Variants in SDK2 observed in about 807,000 individuals in gnomAD.
SDK2 encodes the protein sidekick cell adhesion molecule 2, also known as protein sidekick-2.
Under a neutral mutation model 253.9 loss-of-function variants are expected in SDK2, and 105 were observed. The ratio of observed to expected loss-of-function variants is 0.41; its 90% CI spans 0.35 to 0.49. The LOEUF is 0.49. SDK2 is among the 20% of genes least tolerant of loss of function. SDK2 has a pLI of 0.06. For missense variants in SDK2, 2,608 were observed against 3,003.0 expected, an observed-to-expected ratio of 0.87 and a Z score of 3.07; for synonymous variants, 1,249 against 1,234.9, an observed-to-expected ratio of 1.01 and a Z score of -0.24.
Position 73,376,269 on chromosome 17 carries a change from G to A in SDK2, c.4980+2908C>T, listed in dbSNP as rs538335020. ...CCTGCTTCATTTACCACCACCTGGC[G>A]GTATTATTTATTTTGCCCCGTGTTG... On this transcript the variant is annotated intron_variant, in intron 36 of 44. Transcript: ENST00000392650. Among the ~76,000 whole-genome samples the A allele has an allele frequency of 1.3e-4, 18 of 138,018 alleles. No homozygotes were observed. The East Asian group carries it at 1.6e-3, about 12-fold the overall frequency. 90.5% of individuals were successfully genotyped at this position (138,018 alleles called of 152,430 possible).
In SDK2 at chr17:73,355,159, C is replaced by CATATATATATATATATATAT. The variant is rs1555750469; in HGVS notation, c.5594-2523_5594-2522insATATATATATATATATATAT. Reference sequence around the variant, plus strand: ...TTTGAGCCTCTGCCTCCTACACCTCCATATATATATATATATTTTTTTTTT... The same window carrying CATATATATATATATATATAT: ...TTTGAGCCTCTGCCTCCTACACCTCCATATATATATATATATATATATATATATATATATATTTTTTTTTT... On this transcript the variant is annotated intron_variant, in intron 40 of 44. Transcript: ENST00000392650. Among the ~76,000 whole-genome samples, 51 of 48,560 alleles carry CATATATATATATATATATAT rather than the reference C, an allele frequency of 1.1e-3. 6 individuals carry two copies. Among genetic ancestry groups the CATATATATATATATATATAT allele is most frequent in the African/African-American group, 3.6e-3 (27 of 7,532 alleles). The allele number at this position is 48,560 out of a possible 152,430, so 31.9% of individuals were successfully genotyped here.
rs1409239125 is a variant in SDK2, at chr17:73,395,032, G to C, written c.3592+123C>G. The C allele has an allele frequency of 1.4e-6, 1 of 707,808 alleles. No individual in the cohort carries two copies. Among genetic ancestry groups the C allele is most frequent in the East Asian group, 2.7e-5 (1 of 36,912 alleles). The allele number at this position is 707,808 out of a possible 1,614,324, so 43.8% of individuals were successfully genotyped here. On this transcript the variant is annotated intron_variant, in intron 25 of 44. Coordinates refer to ENST00000392650, the MANE Select transcript of SDK2 (RefSeq NM_001144952.2). This position sits in a 1 kb window ranked among gnomAD's most constrained non-coding sequence, Gnocchi z 4.3. Reference sequence around the variant, plus strand: ...CATTGTGACATTGAGCATAAGCAGAGGAAATGAGCTCAGGCTGTTTTTGAA... The same window carrying C: ...CATTGTGACATTGAGCATAAGCAGACGAAATGAGCTCAGGCTGTTTTTGAA...
intron 2 of SDK2, among the ~76,000 whole-genome samples, chr17:73,493,050 G>A (rs2063817975): frequency 6.6e-6 from 1 of 152,154 alleles, no homozygotes; most frequent in Admixed American, 6.5e-5. Context: ...AGCTGTGTGC[G>A]GAAAAAGAAT....
At chr17:73,544,759 A>G (rs145896803) in intron 1 of SDK2, among the ~76,000 whole-genome samples, 26 of 152,268 alleles carry the variant, frequency 1.7e-4, no homozygotes, top group African/African-American at 5.5e-4. Context: ...CATGGAGGGG[A>G]AATGGCTTCC....
In SDK2 at chr17:73,358,217, C is replaced by A. The variant is rs143271650; in HGVS notation, c.5468-13G>T. The A allele has an allele frequency of 7.0e-3, 11,190 of 1,592,566 alleles. 109 individuals are homozygous for A. Among genetic ancestry groups the A allele is most frequent in the South Asian group, 0.035 (3,047 of 87,378 alleles). On this transcript the variant is annotated splice_polypyrimidine_tract_variant and intron_variant, in intron 39 of 44. Transcript: ENST00000392650. ...GGTCCTGGGGCACCTGCAGACAGCA[C>A]ACAGAGGCGAGGGATGTATGGAACC...
At chr17:73,472,299 G>A in intron 2 of SDK2, 81 bp from the exon 3 acceptor site, 1 of 906,848 alleles carries the variant, frequency 1.1e-6, no homozygotes, top group Non-Finnish European at 1.8e-6. Flanking sequence ...AGAGGTCAGA[G>A]GTCGCCAGGT....
intron 25 of SDK2, among the ~76,000 whole-genome samples, chr17:73,394,953 G>C (rs1306106092): frequency 6.6e-6 from 1 of 152,216 alleles, no homozygotes; most frequent in East Asian, 1.9e-4. Context: ...GGGAATATGG[G>C]AATAGCAGGC....
At chr17:73,587,011 C>T (rs773867666) in intron 1 of SDK2, among the ~76,000 whole-genome samples, 3 of 152,164 alleles carry the variant, frequency 2.0e-5, no homozygotes, top group Admixed American at 6.5e-5. Context: ...CTTTGAAGTG[C>T]GAATGGGATT....
intron 1 of SDK2, among the ~76,000 whole-genome samples, chr17:73,569,255 T>C (rs1280764568): frequency 4.6e-5 from 7 of 150,990 alleles, no homozygotes; most frequent in African/African-American, 7.3e-5. Flanking sequence ...TGGAGGGCAA[T>C]GGCGTCATCT....
intron 1 of SDK2, among the ~76,000 whole-genome samples, chr17:73,588,390 A>C (rs1317579039): frequency 2.4e-5 from 3 of 125,316 alleles, no homozygotes; most frequent in African/African-American, 8.1e-5. Flanking sequence ...TCCATCTCAA[A>C]AAAAAAAAAA....
intron 39 of SDK2, 143 bp from the exon 40 acceptor site, chr17:73,358,347 C>T: frequency 9.3e-7 from 1 of 1,078,804 alleles, no homozygotes; most frequent in South Asian, 1.7e-5. Context: ...ATGTCGCGGC[C>T]TGAGAGTACA....
At chr17:73,448,258 C>A (rs1416214383) in intron 4 of SDK2, among the ~76,000 whole-genome samples, 1 of 152,206 alleles carries the variant, frequency 6.6e-6, no homozygotes, top group African/African-American at 2.4e-5. Context: ...TGCCTTAACC[C>A]TAATCCTAAA....
intron 44 of SDK2, among the ~76,000 whole-genome samples, chr17:73,339,143 C>A (rs905046410): frequency 2.6e-5 from 4 of 152,112 alleles, no homozygotes; most frequent in African/African-American, 9.7e-5. Context: ...ACAGCAGATC[C>A]GGAACCGGAA....
At position 73,483,693 on chromosome 17, in the gene SDK2, ATATATATATATATAT is replaced by A. The variant is rs1471965390; in HGVS notation, c.225-11490_225-11476del. Among the ~76,000 whole-genome samples, 32 of 65,660 alleles carry A rather than the reference ATATATATATATATAT, an allele frequency of 4.9e-4. 1 individual carries two copies. The highest frequency in any genetic ancestry group is 1.1e-3 in the East Asian group (2 of 1,872). 43.1% of individuals were successfully genotyped at this position (65,660 alleles called of 152,430 possible). ...TATATATATATATATTTATATATAT[ATATATATATATATAT>A]TTTTTTTTTTTTTTAGTAGAGTTGG... On this transcript the variant is annotated intron_variant, in intron 2 of 44. Coordinates refer to ENST00000392650, the MANE Select transcript of SDK2 (RefSeq NM_001144952.2).
chr17:73,506,518 C>A (rs1947642052), intron 2 of SDK2, among the ~76,000 whole-genome samples: 1 of 152,300 alleles, frequency 6.6e-6, no homozygotes, highest in East Asian at 1.9e-4. Context: ...GGCTGGTTCT[C>A]CAGAAGGACA....
intron 1 of SDK2, among the ~76,000 whole-genome samples, chr17:73,579,802 C>T (rs564393498): frequency 1.3e-5 from 2 of 152,094 alleles, no homozygotes; most frequent in South Asian, 4.2e-4. Flanking sequence ...CATGGTGAAA[C>T]CCCATCTCTA....
At chr17:73,482,050 G>T (rs1026936103) in intron 2 of SDK2, among the ~76,000 whole-genome samples, 5 of 152,184 alleles carry the variant, frequency 3.3e-5, no homozygotes, top group African/African-American at 1.2e-4. Flanking sequence ...TGAGGCAGGA[G>T]GATCACCTGA....
chr17:73,588,189 A>G (rs2045628553), intron 1 of SDK2, among the ~76,000 whole-genome samples: 1 of 133,954 alleles, frequency 7.5e-6, no homozygotes, highest in African/African-American at 3.3e-5. Flanking sequence ...CCTGACCAAC[A>G]TGGAGAGACC....
chr17:73,339,208 C>T (rs1453255180), intron 44 of SDK2, among the ~76,000 whole-genome samples: 1 of 146,308 alleles, frequency 6.8e-6, no homozygotes, highest in African/African-American at 2.5e-5. Context: ...AATCAGAAGA[C>T]CTGAGTTTTT....
Sources: allele counts gnomAD v4.1 joint callset (sites outside exome capture counted in the v4.1 genomes callset), GRCh38; gene constraint gnomAD v4.1.1; non-coding constraint Gnocchi (gnomAD v3.1); transcripts MANE v1.5; gene names NCBI Gene and HGNC (gene_info 2026-07-23, HGNC 2026-07-21).